The following KRABD5 variants were observed in gnomAD, a reference collection of about 807,000 sequenced individuals.
KRABD5 encodes the protein KRAB domain containing 5.
the KRABD5 span, among the ~76,000 whole-genome samples, chr16:31,717,583 A>G: frequency 1.3e-5 from 2 of 152,178 alleles, no homozygotes; most frequent in African/African-American, 4.8e-5. Flanking sequence ...TCTTCTATTG[A>G]GGACTAATTA....
chr16:31,730,204 G>A, the KRABD5 span, among the ~76,000 whole-genome samples: 1 of 144,638 alleles, frequency 6.9e-6, no homozygotes, highest in Middle Eastern at 3.4e-3. Context: ...TTCTAGACAG[G>A]TCTAGTGGTG....
the KRABD5 span, chr16:31,759,306 A>C: frequency 9.9e-6 from 15 of 1,521,988 alleles, no homozygotes; most frequent in Non-Finnish European, 1.3e-5. Context: ...GCTCAATGAG[A>C]GAAAAGTTGG....
chr16:31,726,189 T>C, the KRABD5 span, among the ~76,000 whole-genome samples: 1 of 152,222 alleles, frequency 6.6e-6, no homozygotes, highest in Admixed American at 6.5e-5. Flanking sequence ...ATCCTTTTGC[T>C]CATAAATATC....
chr16:31,737,096 T>C, the KRABD5 span, among the ~76,000 whole-genome samples: 92,207 of 152,030 alleles, frequency 0.61, 28,995 homozygotes, highest in Middle Eastern at 0.73. Context: ...AGTGTTAATA[T>C]ATCAAACAGG....
At chr16:31,755,649 G>A in the KRABD5 span, 1 of 482,610 alleles carries the variant, frequency 2.1e-6, no homozygotes. Flanking sequence ...TGTAAAGAAT[G>A]TGGCAAATTA....
At chr16:31,749,771 G>C in the KRABD5 span, among the ~76,000 whole-genome samples, 1 of 152,140 alleles carries the variant, frequency 6.6e-6, no homozygotes, top group African/African-American at 2.4e-5. Flanking sequence ...CAGCCTCCTA[G>C]TCAGTTCTGA....
the KRABD5 span, among the ~76,000 whole-genome samples, chr16:31,719,617 T>C: frequency 6.6e-6 from 1 of 152,222 alleles, no homozygotes; most frequent in Non-Finnish European, 1.5e-5. Flanking sequence ...CTTCTGAGCT[T>C]GGTTCAGGTC....
chr16:31,722,027 A>C, the KRABD5 span, among the ~76,000 whole-genome samples: 1 of 152,154 alleles, frequency 6.6e-6, no homozygotes, highest in Non-Finnish European at 1.5e-5. Flanking sequence ...ATATAGACTA[A>C]AAAATGTATA....
the KRABD5 span, among the ~76,000 whole-genome samples, chr16:31,748,517 T>C: frequency 6.6e-6 from 1 of 152,356 alleles, no homozygotes; most frequent in Admixed American, 6.5e-5. Context: ...GGTTTTTAGC[T>C]TTTTTGCATT....
the KRABD5 span, chr16:31,733,459 A>C: frequency 2.2e-6 from 1 of 454,790 alleles, no homozygotes. Flanking sequence ...ATTAGTGTTA[A>C]GTATAGTCAT....
chr16:31,714,920 C>T, the KRABD5 span, among the ~76,000 whole-genome samples: 6 of 152,208 alleles, frequency 3.9e-5, no homozygotes, highest in East Asian at 1.2e-3. Context: ...TAAGAAGTGC[C>T]TTAATTGTAA....
the KRABD5 span, among the ~76,000 whole-genome samples, chr16:31,743,669 G>A: frequency 1.3e-5 from 2 of 152,158 alleles, no homozygotes; most frequent in Admixed American, 6.6e-5. Flanking sequence ...AATGTCAATG[G>A]TAGTTTGATG....
the KRABD5 span, chr16:31,754,575 A>G: frequency 2.0e-6 from 1 of 505,004 alleles, no homozygotes; most frequent in Non-Finnish European, 3.9e-6. Context: ...AAAGCCTTTC[A>G]TGAATGCACC....
the KRABD5 span, among the ~76,000 whole-genome samples, chr16:31,742,193 CA>C: frequency 6.9e-5 from 10 of 145,972 alleles, no homozygotes; most frequent in East Asian, 2.0e-4. Context: ...TTTATTTCCT[CA>C]AAAAAAAAAA....
chr16:31,714,478 C>T, the KRABD5 span: 18 of 453,606 alleles, frequency 4.0e-5, no homozygotes, highest in South Asian at 2.5e-4. Context: ...GAAGGTCTGA[C>T]GTTTGCTATC....
At chr16:31,740,251 C>T in the KRABD5 span, among the ~76,000 whole-genome samples, 1 of 152,060 alleles carries the variant, frequency 6.6e-6, no homozygotes, top group Admixed American at 6.6e-5. Context: ...CCCATTAGTC[C>T]CTTAGACACT....
chr16:31,745,552 T>C, the KRABD5 span, among the ~76,000 whole-genome samples: 1 of 152,226 alleles, frequency 6.6e-6, no homozygotes, highest in Non-Finnish European at 1.5e-5. Flanking sequence ...ATGTGGTTGA[T>C]TTTAGAATAA....
chr16:31,727,571 G>C, the KRABD5 span, among the ~76,000 whole-genome samples: 2 of 152,154 alleles, frequency 1.3e-5, no homozygotes, highest in Non-Finnish European at 2.9e-5. Context: ...AATTTGAGAA[G>C]GATGGACATT....
the KRABD5 span, chr16:31,757,066 T>C: frequency 6.6e-6 from 1 of 152,258 alleles, no homozygotes; most frequent in East Asian, 1.9e-4. Context: ...CAAATCCTTT[T>C]TTCTTGCCTG....
Sources: gnomAD v4.1 joint callset for allele counts (sites outside exome capture counted in the v4.1 genomes callset) on GRCh38, gnomAD v4.1.1 for gene constraint, MANE v1.5 for transcripts, NCBI Gene and HGNC (gene_info 2026-07-23, HGNC 2026-07-21) for gene names.